The following PKNOX1 variants were observed in gnomAD, a reference collection of about 807,000 sequenced individuals.
PKNOX1 encodes PBX/knotted 1 homeobox 1, also known as homeobox protein PKNOX1.
PKNOX1 carries 15 observed loss-of-function variants against 51.9 expected under a neutral mutation model. That is an observed-to-expected ratio of 0.29 (90% CI 0.19 to 0.45). The LOEUF is 0.45. Ranked by LOEUF, PKNOX1 falls within the 20% of genes least tolerant of loss-of-function variation. PKNOX1 has a pLI of 1.00. For synonymous variants in PKNOX1, 219 were observed against 211.1 expected (o/e 1.04, Z -0.32); for missense variants, 462 against 547.5 (o/e 0.84, Z 1.56).
chr21:43,017,049 G>C (rs760823685), intron 6 of PKNOX1, 42 bp downstream of exon 6: 5 of 1,300,260 alleles, frequency 3.8e-6, no homozygotes, highest in Middle Eastern at 1.8e-4. Context: ...ATGAGTTTTT[G>C]CAGAAAATGG....
chr21:43,029,895 G>A lies in PKNOX1; in HGVS notation c.1105G>A (p.Val369Ile). 2 of 1,613,120 alleles carry A rather than the reference G, an allele frequency of 1.2e-6. No individual in the cohort carries two copies. Among genetic ancestry groups the A allele is most frequent in the Non-Finnish European group, 1.7e-6 (2 of 1,179,172 alleles). ...ACACCTTCATCCTGCCGCAGGAGCT[G>A]TTGTCACCATCACCACGCCCGTGAA... ...PSELTMSEGA[V>I]VTITTPVNMN... is the part of the protein sequence containing the mutation. The change falls in exon 11 of 11, where the codon GTT (valine) becomes ATT (isoleucine). Residue 369 changes from valine (V) to isoleucine (I), a missense_variant. Physicochemically the swap from Val to Ile is conservative, Grantham distance 29. This residue lies in a region of PKNOX1 where 118 missense variants were observed against 116.8 expected (regional missense o/e 1.01). Transcript: ENST00000291547.
chr21:43,012,125 C>A (rs1200337229), intron 4 of PKNOX1, among the ~76,000 whole-genome samples: 1 of 152,212 alleles, frequency 6.6e-6, no homozygotes, highest in East Asian at 1.9e-4. Flanking sequence ...TTCCTACCAC[C>A]AGATTTACAG....
intron 2 of PKNOX1, among the ~76,000 whole-genome samples, chr21:43,006,306 A>G (rs2146264535): frequency 6.6e-6 from 1 of 152,066 alleles, no homozygotes. Context: ...TTGTATTTTT[A>G]GTAGAGACAG....
At position 43,024,882 on chromosome 21, in the gene PKNOX1, A is replaced by G. The variant is rs1333263553; in HGVS notation, c.861A>G (p.Pro287=). Reference sequence around the variant, plus strand: ...TTTTTTATTTTCAGCATCCCTACCCAACAGAGGATGAGAAAAAACAGATTG... The same window carrying G: ...TTTTTTATTTTCAGCATCCCTACCCGACAGAGGATGAGAAAAAACAGATTG... ...WLFQHIGHPY[P]TEDEKKQIAA... is the part of the protein sequence containing the mutation. The change falls in exon 9 of 11, where the codon CCA becomes CCG. Residue 287 remains proline (P), a synonymous_variant. Transcript: ENST00000291547. The G allele has an allele frequency of 6.2e-7, 1 of 1,609,196 alleles. No individual in the cohort carries two copies. Among genetic ancestry groups the G allele is most frequent in the South Asian group, 1.1e-5 (1 of 90,934 alleles).
At chr21:43,015,959 C>T (rs541789710) in intron 5 of PKNOX1, among the ~76,000 whole-genome samples, 3 of 152,020 alleles carry the variant, frequency 2.0e-5, no homozygotes, top group South Asian at 2.1e-4. Context: ...CTTCTGCTTT[C>T]GGTTCATGAT....
intron 2 of PKNOX1, among the ~76,000 whole-genome samples, chr21:43,004,874 C>G (rs1265994879): frequency 6.6e-6 from 1 of 152,120 alleles, no homozygotes; most frequent in Non-Finnish European, 1.5e-5. Flanking sequence ...TTGCAGGGGC[C>G]CCAGTGCTCT....
intron 5 of PKNOX1, among the ~76,000 whole-genome samples, chr21:43,015,172 G>T (rs530549637): frequency 6.6e-6 from 1 of 152,246 alleles, no homozygotes; most frequent in Non-Finnish European, 1.5e-5. Context: ...CCTTGTCACC[G>T]CCTTAGGGGA....
intron 1 of PKNOX1, among the ~76,000 whole-genome samples, chr21:42,987,316 A>C (rs1382626767): frequency 2.1e-5 from 3 of 140,532 alleles, no homozygotes; most frequent in African/African-American, 7.9e-5. Context: ...TGGGAGGCGG[A>C]GGTTGCAGTG....
At chr21:43,003,144 C>G (rs1477222909) in intron 1 of PKNOX1, among the ~76,000 whole-genome samples, 1 of 152,224 alleles carries the variant, frequency 6.6e-6, no homozygotes, top group Admixed American at 6.5e-5. Context: ...CTTTGCTGTT[C>G]TTGCTAGTCC....
chr21:43,009,280 T>TCTA (rs61167198), intron 3 of PKNOX1, among the ~76,000 whole-genome samples: 136,152 of 151,564 alleles, frequency 0.9, 61,279 homozygotes, highest in African/African-American at 0.91. Flanking sequence ...AAACCCTGTC[T>TCTA]CTAAAGATAC....
intron 9 of PKNOX1, among the ~76,000 whole-genome samples, chr21:43,028,214 T>C (rs1980066376): frequency 1.3e-5 from 2 of 152,202 alleles, no homozygotes; most frequent in Admixed American, 6.5e-5. Context: ...GGCAGTCCCA[T>C]TCTCTGATGG....
rs547608069 is a variant in PKNOX1 at position 43,012,613 on chromosome 21, A to C, written c.352-455A>C. Among the ~76,000 whole-genome samples, 4 of 152,344 alleles carry C rather than the reference A, an allele frequency of 2.6e-5. No individual in the cohort carries two copies. The East Asian group carries it at 7.7e-4, about 29-fold the overall frequency. ...ATGATATAACTTTTAGAAAAATCGC[A>C]AGAGAAAATCTTGAGGATCTAGAAC... On this transcript the variant is annotated intron_variant, in intron 4 of 10. Transcript: ENST00000291547.
In PKNOX1 at chr21:43,013,163, T is replaced by C; in HGVS notation, c.447T>C (p.Cys149=). 6.2e-7 allele frequency: 1 copy of C among 1,613,908 alleles called. No individual in the cohort carries two copies. Among genetic ancestry groups the C allele is most frequent in the Non-Finnish European group, 8.5e-7 (1 of 1,179,874 alleles). The stretch of plus-strand genomic sequence containing the variant: ...ATTTCTGCAGTCGATACATTGCTTG[T>C]CTGAAAACAAAAATGAACAGTGAAA... ...CKDFCSRYIA[C]LKTKMNSETL... Residue 149 remains cysteine (C), a synonymous_variant, in exon 5 of 11, where the codon TGT becomes TGC. Transcript: ENST00000291547.
chr21:43,015,769 T>A (rs1418068257), intron 5 of PKNOX1, among the ~76,000 whole-genome samples: 2 of 152,226 alleles, frequency 1.3e-5, no homozygotes, highest in Admixed American at 6.5e-5. Context: ...GCAGGGTCTA[T>A]AGTGATCTCT....
Position 43,032,051 on chromosome 21 carries a change from G to T in PKNOX1, c.*1950G>T. ...TAATTTTGTATTTTTAGTAGAGATG[G>T]GTTTCTCCATGTTGGTCGGGCTGGT... On this transcript the variant is annotated 3_prime_UTR_variant, in exon 11 of 11. Coordinates refer to ENST00000291547, the MANE Select transcript of PKNOX1 (RefSeq NM_004571.5). 2.5e-6 allele frequency: 1 copy of T among 403,946 alleles called. No individual in the cohort carries two copies. The highest frequency in any genetic ancestry group is 5.0e-6 in the Non-Finnish European group (1 of 200,576). 25.0% of individuals were successfully genotyped at this position (403,946 alleles called of 1,614,324 possible). A position where few individuals can be genotyped will look rare whatever the true frequency, so the allele number is the denominator to read the frequency against.
rs1251349163 is a variant in PKNOX1, at chr21:43,013,927, A to AT, written c.522+693dup. On this transcript the variant is annotated intron_variant, in intron 5 of 10. Coordinates refer to ENST00000291547, the MANE Select transcript of PKNOX1 (RefSeq NM_004571.5). ...ATATTAATATTTCTTTGTGGTTTTAATTTTCATTTCCCTGATGGCTAATAA... is the reference window on the plus strand; with the variant it reads ...ATATTAATATTTCTTTGTGGTTTTAATTTTTCATTTCCCTGATGGCTAATAA... Among the ~76,000 whole-genome samples, 6 of 150,436 alleles carry AT rather than the reference A, an allele frequency of 4.0e-5. No homozygotes were observed. The East Asian group carries it at 9.8e-4, about 24-fold the overall frequency.
chr21:43,029,424 GTTTTTT>G (rs138486584), intron 10 of PKNOX1, among the ~76,000 whole-genome samples: 2 of 63,304 alleles, frequency 3.2e-5, no homozygotes, highest in Non-Finnish European at 2.9e-5. Context: ...TGTTTGCTTT[GTTTTTT>G]TTTTTTTTTT....
intron 10 of PKNOX1, among the ~76,000 whole-genome samples, chr21:43,029,471 A>G (rs1443674339): frequency 1.7e-5 from 2 of 117,808 alleles, no homozygotes; most frequent in Admixed American, 1.2e-4. Context: ...TCTGTTGCCC[A>G]GGCTGGAGTG....
chr21:43,005,249 C>G (rs561611421), intron 2 of PKNOX1, among the ~76,000 whole-genome samples: 1 of 152,274 alleles, frequency 6.6e-6, no homozygotes, highest in Non-Finnish European at 1.5e-5. Context: ...CTCCCCACCT[C>G]GAGGACTTCG....
Sources: allele counts gnomAD v4.1 joint callset (sites outside exome capture counted in the v4.1 genomes callset), GRCh38; gene constraint gnomAD v4.1.1; regional missense constraint gnomAD v4.1.1; transcripts MANE v1.5; gene names NCBI Gene and HGNC (gene_info 2026-07-23, HGNC 2026-07-21).